Variants in PLCG2 observed in about 807,000 individuals in gnomAD.
PLCG2 encodes phospholipase C gamma 2, also known as 1-phosphatidylinositol 4,5-bisphosphate phosphodiesterase gamma-2.
In PLCG2, 69 loss-of-function variants were observed where a neutral mutation model predicts 175.6. The ratio of observed to expected loss-of-function variants is 0.39; its 90% CI spans 0.32 to 0.48. PLCG2 has a LOEUF of 0.48. Among genes scored for constraint, PLCG2 ranks in the 20% least tolerant of loss-of-function variants. The pLI, the probability that PLCG2 is intolerant of heterozygous loss-of-function variation, is 0.91. For synonymous variants in PLCG2, 827 were observed against 624.0 expected, an observed-to-expected ratio of 1.33 and a Z score of -4.85; for missense variants, 1,798 against 1,650.9, an observed-to-expected ratio of 1.09 and a Z score of -1.54.
chr16:81,800,694 A>C, intron 2 of PLCG2, among the ~76,000 whole-genome samples: 1 of 151,230 alleles, frequency 6.6e-6, no homozygotes, highest in Admixed American at 6.6e-5. Flanking sequence ...TATTATTGTT[A>C]TTTCCAACCC....
At position 81,923,690 on chromosome 16, in the gene PLCG2, T is replaced by G. The variant is rs535717978; in HGVS notation, c.2417+96T>G. 8 of 714,078 alleles carry G rather than the reference T, an allele frequency of 1.1e-5. No homozygotes were observed. In the Middle Eastern group the frequency reaches 1.1e-3, roughly 101 times the overall value. The allele number at this position is 714,078 out of a possible 1,614,324, so 44.2% of individuals were successfully genotyped here. ...GGTGCTGGCCAAGTCTGACCCCCTTTGTCATCCTGGGCTGGCTTTGACCTC... is the reference window on the plus strand; with the variant it reads ...GGTGCTGGCCAAGTCTGACCCCCTTGGTCATCCTGGGCTGGCTTTGACCTC... On this transcript the variant is annotated intron_variant, in intron 22 of 32. Coordinates refer to ENST00000564138, the MANE Select transcript of PLCG2 (RefSeq NM_002661.5).
At chr16:81,864,347 T>C (rs944562364) in intron 5 of PLCG2, among the ~76,000 whole-genome samples, 2 of 152,114 alleles carry the variant, frequency 1.3e-5, no homozygotes, top group Admixed American at 6.5e-5. Flanking sequence ...CAAAACAAAA[T>C]GAAATAAAAT....
At chr16:81,765,470 A>G (rs1043937068) in intron 2 of PLCG2, among the ~76,000 whole-genome samples, 9 of 152,350 alleles carry the variant, frequency 5.9e-5, no homozygotes, top group Middle Eastern at 3.4e-3. Context: ...GTTTCTACAT[A>G]AAATACAAAA....
At chr16:81,896,063 A>G (rs1479503792) in intron 13 of PLCG2, 136 bp downstream of exon 13, 2 of 1,092,156 alleles carry the variant, frequency 1.8e-6, no homozygotes, top group East Asian at 2.4e-5. Context: ...ATCTTGGCCA[A>G]AGCCACTGCC....
chr16:81,760,074 C>T (rs1468643379), intron 2 of PLCG2, among the ~76,000 whole-genome samples: 1 of 152,148 alleles, frequency 6.6e-6, no homozygotes, highest in Non-Finnish European at 1.5e-5. Context: ...TGCAGTGAGC[C>T]GAGATCGCGC....
chr16:81,810,723 C>T (rs1287034993), intron 2 of PLCG2, among the ~76,000 whole-genome samples: 1 of 151,216 alleles, frequency 6.6e-6, no homozygotes, highest in South Asian at 2.1e-4. Flanking sequence ...ATTCATTCTT[C>T]CTGTTATTGA....
At chr16:81,941,288 C>G (rs1012104524) in intron 30 of PLCG2, among the ~76,000 whole-genome samples, 1 of 152,184 alleles carries the variant, frequency 6.6e-6, no homozygotes, top group Admixed American at 6.5e-5. Context: ...ATCCCAGCTA[C>G]TTGGAAGGCT....
intron 13 of PLCG2, among the ~76,000 whole-genome samples, chr16:81,899,734 G>C (rs947374848): frequency 6.6e-6 from 1 of 152,200 alleles, no homozygotes; most frequent in Non-Finnish European, 1.5e-5. Flanking sequence ...TGATGTGCCC[G>C]ATGGAGAAAA....
intron 8 of PLCG2, among the ~76,000 whole-genome samples, chr16:81,881,202 C>A (rs999895101): frequency 5.9e-5 from 9 of 151,762 alleles, no homozygotes; most frequent in African/African-American, 2.2e-4. Flanking sequence ...TGCCTCAGGG[C>A]CTCCTTTCCC....
intron 15 of PLCG2, among the ~76,000 whole-genome samples, chr16:81,906,948 G>A (rs561255877): frequency 1.3e-5 from 2 of 150,222 alleles, no homozygotes; most frequent in South Asian, 2.1e-4. Flanking sequence ...TGAGGCAGGA[G>A]AATTACTTGA....
chr16:81,899,579 C>T (rs74985032), intron 13 of PLCG2, among the ~76,000 whole-genome samples: 9,415 of 152,206 alleles, frequency 0.062, 327 homozygotes, highest in Non-Finnish European at 0.073. Flanking sequence ...TGGTCTACAG[C>T]GTGAAAGCTT....
chr16:81,936,411 C>G (rs1160397716), intron 27 of PLCG2, 33 bp downstream of exon 27: 2 of 1,583,512 alleles, frequency 1.3e-6, no homozygotes, highest in South Asian at 2.2e-5. Context: ...CCCGTCCCTG[C>G]AAGGTGGCGG....
intron 1 of PLCG2, among the ~76,000 whole-genome samples, chr16:81,753,572 C>G (rs901959917): frequency 1.3e-5 from 2 of 152,078 alleles, no homozygotes; most frequent in Non-Finnish European, 2.9e-5. Flanking sequence ...GCGCACATTA[C>G]CACGCCCAGC....
chr16:81,813,030 C>T (rs894520612), intron 2 of PLCG2, among the ~76,000 whole-genome samples: 1 of 152,130 alleles, frequency 6.6e-6, no homozygotes, highest in African/African-American at 2.4e-5. Context: ...TTGCAATGGT[C>T]TGTATATCTA....
Position 81,889,235 on chromosome 16 carries a change from A to G in PLCG2, c.829A>G (p.Met277Val), listed in dbSNP as rs372494175. 6.8e-6 allele frequency: 11 copies of G among 1,606,806 alleles called. No homozygotes were observed. The African/African-American group carries it at 1.3e-4, about 20-fold the overall frequency. The change falls in exon 10 of 33, where the codon ATG becomes GTG. Residue 277 changes from methionine to valine, a missense_variant. Coordinates refer to ENST00000564138, the MANE Select transcript of PLCG2 (RefSeq NM_002661.5). ...GATGACAAAGTTCATTGATGACACCATGCGTGAAACTGCTGAGCCTTTCTT... is the reference window on the plus strand; with the variant it reads ...GATGACAAAGTTCATTGATGACACCGTGCGTGAAACTGCTGAGCCTTTCTT... ...ERMTKFIDDTMRETAEPFLFV... is the reference protein window; with the variant it reads ...ERMTKFIDDTVRETAEPFLFV...
At chr16:81,797,469 T>A (rs1445563482) in intron 2 of PLCG2, among the ~76,000 whole-genome samples, 2 of 152,184 alleles carry the variant, frequency 1.3e-5, no homozygotes, top group Admixed American at 1.3e-4. Flanking sequence ...CAAGGCCCGA[T>A]CTTGGGGCCA....
At chr16:81,830,374 T>TTGGCTCACTGCAACCTC (rs1249620901) in intron 2 of PLCG2, among the ~76,000 whole-genome samples, 2 of 152,132 alleles carry the variant, frequency 1.3e-5, no homozygotes, top group African/African-American at 4.8e-5. Flanking sequence ...GGTGCTACTT[T>TTGGCTCACTGCAACCTC]TGGCTCACTG....
At chr16:81,943,299 G>A (rs1259837955) in intron 30 of PLCG2, among the ~76,000 whole-genome samples, 1 of 152,180 alleles carries the variant, frequency 6.6e-6, no homozygotes, top group South Asian at 2.1e-4. Context: ...TGTTTCTGGG[G>A]AGGCCTCAGG....
At chr16:81,900,564 G>A in intron 13 of PLCG2, 48 bp from the exon 14 acceptor site, 1 of 1,530,840 alleles carries the variant, frequency 6.5e-7, no homozygotes, top group South Asian at 1.2e-5. Context: ...GGCAGATGCA[G>A]AGGTGTGTGC....
Sources: allele counts gnomAD v4.1 joint callset (sites outside exome capture counted in the v4.1 genomes callset), GRCh38; gene constraint gnomAD v4.1.1; transcripts MANE v1.5; gene names NCBI Gene and HGNC (gene_info 2026-07-23, HGNC 2026-07-21).